DST: variants seen among roughly 807,000 people sequenced by gnomAD.
The protein encoded by DST is dystonin, also known as bullous pemphigoid antigen.
DST carries 253 observed loss-of-function variants against 875.2 expected under a neutral mutation model. The ratio of observed to expected loss-of-function variants is 0.29; its 90% confidence interval spans 0.26 to 0.32. The LOEUF is 0.32. Ranked by LOEUF, DST falls within the 10% of genes least tolerant of loss-of-function variation. The probability of loss-of-function intolerance (pLI) is 1.00; values close to 1 mark genes in which losing one functional copy is unlikely to be tolerated. For synonymous variants in DST, 3,124 were observed against 3,197.1 expected (o/e 0.98, Z 0.77); for missense variants, 8,287 against 9,111.6 (o/e 0.91, Z 3.68).
chr6:56,940,919 A>G (rs1400357194), intron 2 of DST, among the ~76,000 whole-genome samples: 1 of 152,060 alleles, frequency 6.6e-6, no homozygotes, highest in East Asian at 1.9e-4. Flanking sequence ...TGTGGGTTCC[A>G]TAGTTATACC....
Position 56,532,394 on chromosome 6 carries a change from G to T in DST, c.17058C>A (p.Leu5686=). The T allele has an allele frequency of 6.2e-7, 1 of 1,613,634 alleles. No individual in the cohort carries two copies. The highest frequency in any genetic ancestry group is 8.5e-7 in the Non-Finnish European group (1 of 1,179,696). ...CCTCCCATCTGCTATCCAAGAGACT[G>T]AGCTGTTTCAAAATCTTCACTTTAT... is the stretch of plus-strand genomic sequence containing the variant. ...PADKVKILKQ[L]SLLDSRWEAL... The change falls in exon 64 of 104, where the codon CTC becomes CTA. Residue 5686 remains leucine, a synonymous_variant. Transcript: ENST00000680361.
At chr6:56,663,300 C>T (rs1355486665) in intron 10 of DST, among the ~76,000 whole-genome samples, 1 of 152,144 alleles carries the variant, frequency 6.6e-6, no homozygotes, top group Non-Finnish European at 1.5e-5. Flanking sequence ...TCTCAAAGTT[C>T]AATCATTTTG....
intron 9 of DST, among the ~76,000 whole-genome samples, chr6:56,674,026 T>C (rs1167654772): frequency 6.6e-6 from 1 of 152,232 alleles, no homozygotes; most frequent in Non-Finnish European, 1.5e-5. Context: ...TGCTAAAAAT[T>C]GTTTAAGTCT....
intron 102 of DST, 89 bp downstream of exon 102, chr6:56,462,957 T>C (rs2094409167): frequency 1.4e-6 from 1 of 694,966 alleles, no homozygotes; most frequent in East Asian, 2.6e-5. Flanking sequence ...GCAAAGTACA[T>C]ATATTTAGGG....
At chr6:56,496,717 C>T (rs1223790258) in intron 82 of DST, among the ~76,000 whole-genome samples, 2 of 152,120 alleles carry the variant, frequency 1.3e-5, no homozygotes, top group African/African-American at 4.8e-5. Flanking sequence ...TACTGACACA[C>T]TAACCTTTGT....
chr6:56,578,500 C>T (rs150011339), intron 50 of DST, among the ~76,000 whole-genome samples: 1 of 152,306 alleles, frequency 6.6e-6, no homozygotes, highest in East Asian at 1.9e-4. Flanking sequence ...TCTGCCCAAT[C>T]CCATCAACCA....
At chr6:56,680,590 T>G (rs541062561) in intron 9 of DST, among the ~76,000 whole-genome samples, 12 of 152,210 alleles carry the variant, frequency 7.9e-5, no homozygotes, top group Non-Finnish European at 1.5e-4. Context: ...TCTTTCTTCT[T>G]TGGCTTCCAC....
rs181131678 is a variant in DST, at chr6:56,557,806, A to G, written c.14441-288T>C. 3.6e-4 allele frequency among the ~76,000 whole-genome samples: 55 copies of G among 152,232 alleles called. No homozygotes were observed. In the East Asian group the frequency reaches 9.1e-3, roughly 25 times the overall value. On this transcript the variant is annotated intron_variant, in intron 58 of 103. Coordinates refer to ENST00000680361, the MANE Select transcript of DST (RefSeq NM_001374736.1). ...CATTCTGGGATCTCTCATTCCTTCT[A>G]TAAGTCCTATAGAGTGTGTTATTAA...
chr6:56,501,301 C>A, intron 79 of DST, 66 bp from the exon 80 acceptor site: 2 of 1,469,958 alleles, frequency 1.4e-6, no homozygotes, highest in Admixed American at 2.7e-5. Flanking sequence ...GTCTATAAAA[C>A]AAGGACAAAA....
In DST at chr6:56,592,305, A is replaced by G; in HGVS notation, c.12780T>C (p.Tyr4260=). Residue 4260 remains tyrosine, a synonymous_variant, in exon 49 of 104, where the codon TAT becomes TAC. Coordinates refer to ENST00000680361, the MANE Select transcript of DST (RefSeq NM_001374736.1). The stretch of plus-strand genomic sequence containing the variant: ...CAAGAAGTCCACATGAAGCATCTTC[A>G]TAGTGTTGATATTTATCCACCAGAT... ...LKDLVDKYQH[Y]EDASCGLLAG... is the part of the protein sequence containing the mutation. 5.6e-6 allele frequency: 9 copies of G among 1,608,970 alleles called. No individual in the cohort carries two copies. The highest frequency in any genetic ancestry group is 6.8e-6 in the Non-Finnish European group (8 of 1,177,208).
In DST at chr6:56,645,869, T is replaced by C. The variant is rs1482960268; in HGVS notation, c.1775A>G (p.Glu592Gly). 2.5e-6 allele frequency: 4 copies of C among 1,613,230 alleles called. No individual in the cohort carries two copies. The highest frequency in any genetic ancestry group is 3.4e-6 in the Non-Finnish European group (4 of 1,179,650). The change falls in exon 15 of 104, where the codon GAA becomes GGA. Residue 592 changes from glutamate to glycine, a missense_variant. This residue lies in a region of DST where 1,160 missense variants were observed against 1,424.3 expected (regional missense o/e 0.81). Transcript: ENST00000680361. ...GCAGAAAACACCTCTGGCCTACCTT[T>C]CTACTTCTGGACGAAGGGCCTTCTC... The part of the protein sequence containing the change: ...EREKALRPEV[E>G]RLEMLQQIAN...
At position 56,488,675 on chromosome 6, in the gene DST, A is replaced by G. The variant is rs2152434077; in HGVS notation, c.20877+815T>C. On this transcript the variant is annotated intron_variant, in intron 86 of 103. Transcript: ENST00000680361. ...AATTTTATATCACCCCAATTTTTCC[A>G]GCCTTTAAAAATTATGTTTCAAGCG... Among the ~76,000 whole-genome samples, 2 of 152,290 alleles carry G rather than the reference A, an allele frequency of 1.3e-5. 1 individual carries two copies. Among genetic ancestry groups the G allele is most frequent in the South Asian group, 4.1e-4 (2 of 4,824 alleles).
rs1286262475 is a variant in DST, at chr6:56,853,628, T to C, written c.418-2024A>G. On this transcript the variant is annotated intron_variant, in intron 3 of 103. Transcript: ENST00000680361. ...TACAGACAGACTTGGAGAATAACTG[T>C]TAAAGAACTGCTCCTTTCCAAAAAC... is the stretch of plus-strand genomic sequence containing the variant. 2.0e-5 allele frequency among the ~76,000 whole-genome samples: 3 copies of C among 152,234 alleles called. No homozygotes were observed. In the East Asian group the frequency reaches 5.8e-4, roughly 29 times the overall value.
At chr6:56,912,648 T>C (rs1186496960) in intron 2 of DST, among the ~76,000 whole-genome samples, 1 of 152,198 alleles carries the variant, frequency 6.6e-6, no homozygotes, top group Non-Finnish European at 1.5e-5. Context: ...ATGTCACGCA[T>C]AGATCAGCAA....
At chr6:56,794,700 A>T (rs1489087702) in intron 4 of DST, among the ~76,000 whole-genome samples, 1 of 152,154 alleles carries the variant, frequency 6.6e-6, no homozygotes, top group African/African-American at 2.4e-5. Flanking sequence ...TTCTCTGGAG[A>T]GAGTCAAAGA....
intron 53 of DST, among the ~76,000 whole-genome samples, chr6:56,571,576 T>C (rs997000612): frequency 6.6e-6 from 1 of 152,222 alleles, no homozygotes; most frequent in Non-Finnish European, 1.5e-5. Flanking sequence ...CAAGGCCCTG[T>C]ACAGCTTTTT....
intron 4 of DST, among the ~76,000 whole-genome samples, chr6:56,764,824 G>C (rs2099628687): frequency 6.6e-6 from 1 of 152,092 alleles, no homozygotes; most frequent in South Asian, 2.1e-4. Flanking sequence ...GTGCATGATG[G>C]CAGATGCCTG....
In DST at chr6:56,463,737, C is replaced by T. The variant is rs746750215; in HGVS notation, c.22787G>A (p.Arg7596His). The T allele has an allele frequency of 1.9e-5, 31 of 1,613,856 alleles. No homozygotes were observed. Among genetic ancestry groups the T allele is most frequent in the East Asian group, 2.2e-5 (1 of 44,896 alleles). ...IAKGRTNMEL[R>H]EKFILADGAS... The stretch of plus-strand genomic sequence containing the variant: ...ACCATCTGCTAAAATGAACTTCTCA[C>T]GCAGTTCCATGTTTGTCCTTCCTTT... Residue 7596 changes from arginine to histidine, a missense_variant, in exon 101 of 104, where the codon CGT (arginine) becomes CAT (histidine). This residue lies in a region of DST where 64 missense variants were observed against 86.2 expected (regional missense o/e 0.74). Coordinates refer to ENST00000680361, the MANE Select transcript of DST (RefSeq NM_001374736.1).
In DST at chr6:56,757,123, T is replaced by C. The variant is rs114014446; in HGVS notation, c.626-21834A>G. On this transcript the variant is annotated intron_variant, in intron 4 of 103. Coordinates refer to ENST00000680361, the MANE Select transcript of DST (RefSeq NM_001374736.1). ...AAATACACTTTTAGAAAAGCAGGAC[T>C]TCAAACAATGCAACTTTAAACAACT... 9.5e-3 allele frequency among the ~76,000 whole-genome samples: 1,448 copies of C among 152,296 alleles called. 24 individuals carry two copies. The highest frequency in any genetic ancestry group is 0.033 in the African/African-American group (1,373 of 41,560).
Sources: allele counts gnomAD v4.1 joint callset (sites outside exome capture counted in the v4.1 genomes callset), GRCh38; gene constraint gnomAD v4.1.1; regional missense constraint gnomAD v4.1.1; transcripts MANE v1.5; gene names NCBI Gene and HGNC (gene_info 2026-07-23, HGNC 2026-07-21).